Variants in NLGN1 observed in about 807,000 individuals in gnomAD.
NLGN1 encodes neuroligin-1.
NLGN1 carries 12 observed loss-of-function variants against 65.5 expected under a neutral mutation model. That is an observed-to-expected ratio of 0.18 (90% confidence interval 0.12 to 0.30). NLGN1 has a LOEUF of 0.30. Among genes scored for constraint, NLGN1 ranks in the 10% least tolerant of loss-of-function variants. NLGN1 has a pLI of 1.00. For missense variants in NLGN1, 750 were observed against 1,007.1 expected (o/e 0.74, Z 3.46); for synonymous variants, 350 against 359.5 (o/e 0.97, Z 0.30).
At chr3:174,165,752 A>C (rs1460882401) in intron 4 of NLGN1, among the ~76,000 whole-genome samples, 1 of 151,972 alleles carries the variant, frequency 6.6e-6, no homozygotes, top group Non-Finnish European at 1.5e-5. Flanking sequence ...CAAGTTTCTG[A>C]AATAGTTTCA....
chr3:173,775,303 C>T (rs1212723755), intron 3 of NLGN1, among the ~76,000 whole-genome samples: 1 of 151,950 alleles, frequency 6.6e-6, no homozygotes, highest in African/African-American at 2.4e-5. Context: ...TTTTTCATTA[C>T]TCTTACGTGT....
At chr3:174,269,464 A>G (rs977042028) in intron 4 of NLGN1, among the ~76,000 whole-genome samples, 5 of 151,878 alleles carry the variant, frequency 3.3e-5, no homozygotes, top group South Asian at 2.1e-4. Context: ...CTTATTTCAC[A>G]TAGCACATTG....
intron 4 of NLGN1, among the ~76,000 whole-genome samples, chr3:174,104,737 T>C (rs1713339270): frequency 1.3e-5 from 2 of 152,246 alleles, no homozygotes; most frequent in South Asian, 4.1e-4. Context: ...AGGATTTTGT[T>C]AAGTGGGGAA....
At chr3:174,124,811 A>G (rs1463074053) in intron 4 of NLGN1, among the ~76,000 whole-genome samples, 1 of 151,818 alleles carries the variant, frequency 6.6e-6, no homozygotes, top group Non-Finnish European at 1.5e-5. Context: ...GAAACACAGA[A>G]TTTTATGGGA....
chr3:173,545,709 G>A (rs1409550104), intron 2 of NLGN1, among the ~76,000 whole-genome samples: 3 of 152,134 alleles, frequency 2.0e-5, no homozygotes, highest in Admixed American at 2.0e-4. Context: ...GCCCATCAAT[G>A]ATAGACTGGA....
intron 3 of NLGN1, among the ~76,000 whole-genome samples, chr3:173,759,015 A>G (rs1444254883): frequency 2.0e-5 from 3 of 151,880 alleles, no homozygotes; most frequent in Non-Finnish European, 2.9e-5. Context: ...TACTTGCATG[A>G]CGTTCAGCCT....
intron 4 of NLGN1, among the ~76,000 whole-genome samples, chr3:174,160,604 T>G (rs1726303663): frequency 6.6e-6 from 1 of 151,414 alleles, no homozygotes. Flanking sequence ...AAGCATAAAA[T>G]TTTGAGTGTG....
chr3:173,962,449 G>C (rs1713827981), intron 4 of NLGN1, among the ~76,000 whole-genome samples: 1 of 152,116 alleles, frequency 6.6e-6, no homozygotes, highest in South Asian at 2.1e-4. Context: ...TGTGTGTTTG[G>C]TAGATACTCT....
At chr3:174,131,490 A>T (rs904588095) in intron 4 of NLGN1, among the ~76,000 whole-genome samples, 2 of 151,828 alleles carry the variant, frequency 1.3e-5, no homozygotes, top group African/African-American at 4.8e-5. Context: ...TCTACATTAA[A>T]CTCTCTGAAC....
intron 2 of NLGN1, among the ~76,000 whole-genome samples, chr3:173,468,472 C>A (rs1250226831): frequency 6.6e-6 from 1 of 151,984 alleles, no homozygotes; most frequent in Non-Finnish European, 1.5e-5. Flanking sequence ...TACTCTCTGG[C>A]CCATTACTAT....
At chr3:173,687,747 A>T (rs901535899) in intron 3 of NLGN1, among the ~76,000 whole-genome samples, 5 of 152,194 alleles carry the variant, frequency 3.3e-5, no homozygotes, top group Admixed American at 2.0e-4. Flanking sequence ...GTTGTGTCAG[A>T]TGTAGGATAA....
chr3:173,985,001 C>A (rs1416638634), intron 4 of NLGN1, among the ~76,000 whole-genome samples: 1 of 152,120 alleles, frequency 6.6e-6, no homozygotes, highest in African/African-American at 2.4e-5. Flanking sequence ...GAGATAGTGC[C>A]ACTGCACTCC....
intron 2 of NLGN1, among the ~76,000 whole-genome samples, chr3:173,503,286 A>T (rs6805031): frequency 0.8 from 121,067 of 151,988 alleles, 49,151 homozygotes; most frequent in East Asian, 0.97. Context: ...TAGCAAATAT[A>T]TGCTGAGTAC....
At chr3:173,950,611 A>G (rs1748004811) in intron 4 of NLGN1, among the ~76,000 whole-genome samples, 1 of 152,034 alleles carries the variant, frequency 6.6e-6, no homozygotes. Context: ...TCAGGAGTTC[A>G]AGAACAGCCT....
At chr3:174,131,339 G>T (rs143414544) in intron 4 of NLGN1, among the ~76,000 whole-genome samples, 1 of 152,026 alleles carries the variant, frequency 6.6e-6, no homozygotes, top group South Asian at 2.1e-4. Context: ...TTGTATAAAC[G>T]TTTTCACACA....
intron 3 of NLGN1, among the ~76,000 whole-genome samples, chr3:173,778,304 A>G (rs1051417073): frequency 6.6e-6 from 1 of 151,888 alleles, no homozygotes; most frequent in Non-Finnish European, 1.5e-5. Context: ...CAAATGAAGT[A>G]CCTCAGTATT....
intron 1 of NLGN1, among the ~76,000 whole-genome samples, chr3:173,414,780 G>A (rs938503051): frequency 6.6e-6 from 1 of 152,162 alleles, no homozygotes; most frequent in African/African-American, 2.4e-5. Flanking sequence ...CAGATTTGGA[G>A]GAGCAGGACC....
chr3:174,251,572 G>T (rs1047515263), intron 4 of NLGN1, among the ~76,000 whole-genome samples: 1 of 152,180 alleles, frequency 6.6e-6, no homozygotes, highest in Admixed American at 6.5e-5. Flanking sequence ...TGGAAAAAAA[G>T]TTAGCTTGTT....
chr3:173,865,383 C>G (rs896504975), intron 4 of NLGN1, among the ~76,000 whole-genome samples: 1 of 152,028 alleles, frequency 6.6e-6, no homozygotes, highest in Admixed American at 6.5e-5. Flanking sequence ...CCAAAATGCT[C>G]CATCATTTCT....
Sources: allele counts gnomAD v4.1 joint callset (sites outside exome capture counted in the v4.1 genomes callset), GRCh38; gene constraint gnomAD v4.1.1; transcripts MANE v1.5; gene names NCBI Gene and HGNC (gene_info 2026-07-23, HGNC 2026-07-21).